DOCK5: variants seen among roughly 807,000 people sequenced by gnomAD.
The protein encoded by DOCK5 is dedicator of cytokinesis 5, also known as dedicator of cytokinesis protein 5.
Under a neutral mutation model 251.8 loss-of-function variants are expected in DOCK5, and 142 were observed. The ratio of observed to expected loss-of-function variants is 0.56; its 90% confidence interval spans 0.49 to 0.65. The LOEUF (loss-of-function observed/expected upper bound fraction) is 0.65. Ranked by LOEUF, DOCK5 falls within the 30% of genes least tolerant of loss-of-function variation. The pLI is 0.00. For missense variants in DOCK5, 2,111 were observed against 2,312.3 expected (o/e 0.91, Z 1.79); for synonymous variants, 842 against 835.5 (o/e 1.01, Z -0.13).
intron 1 of DOCK5, among the ~76,000 whole-genome samples, chr8:25,219,706 G>GTTTT (rs35000316): frequency 3.4e-5 from 5 of 145,092 alleles, no homozygotes; most frequent in African/African-American, 1.3e-4. Flanking sequence ...TGGGGTCCGT[G>GTTTT]TTTTTTTTTT....
At chr8:25,398,050 T>C (rs1801377442) in intron 45 of DOCK5, among the ~76,000 whole-genome samples, 1 of 152,180 alleles carries the variant, frequency 6.6e-6, no homozygotes, top group African/African-American at 2.4e-5. Flanking sequence ...CTAATCCAGC[T>C]CTTTATTCAT....
At chr8:25,341,546 C>T (rs1173453221) in intron 23 of DOCK5, among the ~76,000 whole-genome samples, 193 bp from the exon 24 acceptor site, 1 of 152,152 alleles carries the variant, frequency 6.6e-6, no homozygotes, top group Non-Finnish European at 1.5e-5. Context: ...AAGCTGTACC[C>T]CCTGGCATCT....
chr8:25,192,897 A>T (rs554496835), intron 1 of DOCK5, among the ~76,000 whole-genome samples: 1 of 152,194 alleles, frequency 6.6e-6, no homozygotes, highest in Admixed American at 6.5e-5. Flanking sequence ...AGAAAGCCTT[A>T]TCTTTCTACC....
chr8:25,223,333 TAGAC>T (rs1482524579), intron 1 of DOCK5, among the ~76,000 whole-genome samples: 6 of 152,180 alleles, frequency 3.9e-5, no homozygotes, highest in African/African-American at 1.4e-4. Flanking sequence ...TATTTATTAA[TAGAC>T]AGGTTTTTGC....
chr8:25,268,052 G>A (rs1368396043), intron 2 of DOCK5, among the ~76,000 whole-genome samples: 3 of 151,930 alleles, frequency 2.0e-5, no homozygotes, highest in Admixed American at 6.6e-5. Context: ...TAGTAGAGAC[G>A]GGGTTTCACT....
At chr8:25,276,378 C>G (rs1439968024) in intron 4 of DOCK5, among the ~76,000 whole-genome samples, 1 of 152,134 alleles carries the variant, frequency 6.6e-6, no homozygotes, top group Non-Finnish European at 1.5e-5. Context: ...TCATCTTGCC[C>G]ACCTCATTTG....
chr8:25,193,578 T>A (rs1429997604), intron 1 of DOCK5, among the ~76,000 whole-genome samples: 1 of 149,402 alleles, frequency 6.7e-6, no homozygotes, highest in Admixed American at 6.7e-5. Flanking sequence ...CTGGGCAACG[T>A]TGTGCAACCC....
chr8:25,253,216 T>G (rs749206300), intron 2 of DOCK5, among the ~76,000 whole-genome samples: 2 of 152,260 alleles, frequency 1.3e-5, no homozygotes, highest in Non-Finnish European at 2.9e-5. Flanking sequence ...GGTACCTTCA[T>G]TCAGTTATTC....
At chr8:25,312,602 A>G (rs1264843251) in intron 13 of DOCK5, among the ~76,000 whole-genome samples, 1 of 152,022 alleles carries the variant, frequency 6.6e-6, no homozygotes, top group Admixed American at 6.6e-5. Context: ...ATCTCTATTC[A>G]AAATACAAAA....
At chr8:25,360,719 T>C (rs1361653991) in intron 28 of DOCK5, among the ~76,000 whole-genome samples, 1 of 152,216 alleles carries the variant, frequency 6.6e-6, no homozygotes, top group Non-Finnish European at 1.5e-5. Flanking sequence ...GAGGACTAGC[T>C]GTTTGTAACA....
chr8:25,263,025 A>AC (rs1159619175), intron 2 of DOCK5, among the ~76,000 whole-genome samples: 1 of 151,852 alleles, frequency 6.6e-6, no homozygotes, highest in African/African-American at 2.4e-5. Flanking sequence ...TACCTTGATT[A>AC]CATTTCCTTT....
chr8:25,305,111 C>G (rs1404899309), intron 11 of DOCK5: 2 of 152,226 alleles, frequency 1.3e-5, no homozygotes, highest in African/African-American at 4.8e-5. Context: ...TTGCCGGGAC[C>G]AAGTCCCACC....
intron 38 of DOCK5, 72 bp from the exon 39 acceptor site, chr8:25,380,233 C>T (rs1040839430): frequency 1.5e-6 from 2 of 1,371,036 alleles, no homozygotes; most frequent in African/African-American, 2.9e-5. Context: ...CAGTGACTCG[C>T]CAGTGGCTTT....
At chr8:25,290,213 T>C (rs961976269) in intron 5 of DOCK5, among the ~76,000 whole-genome samples, 3 of 152,188 alleles carry the variant, frequency 2.0e-5, no homozygotes, top group Non-Finnish European at 4.4e-5. Context: ...ACATCAATCA[T>C]TTAGGTCAGG....
At chr8:25,321,913 C>T (rs1805435325) in intron 16 of DOCK5, among the ~76,000 whole-genome samples, 1 of 152,128 alleles carries the variant, frequency 6.6e-6, no homozygotes, top group Non-Finnish European at 1.5e-5. Flanking sequence ...TGCCATGTTG[C>T]AGTAGCAAGA....
chr8:25,275,305 T>C lies in DOCK5; in HGVS notation c.169-81T>C, dbSNP rs1386912468. 5 of 1,199,928 alleles carry C rather than the reference T, an allele frequency of 4.2e-6. No individual in the cohort carries two copies. In the Admixed American group the frequency reaches 7.3e-5, roughly 18 times the overall value. The allele number at this position is 1,199,928 out of a possible 1,614,324, so 74.3% of individuals were successfully genotyped here. On this transcript the variant is annotated intron_variant, in intron 3 of 51. Coordinates refer to ENST00000276440, the MANE Select transcript of DOCK5 (RefSeq NM_024940.8). The stretch of plus-strand genomic sequence containing the variant: ...ATTGCCTGGGTGTTCCCATTTATTC[T>C]CTTTACTTTGGGCTGAGGTGTTTTT...
At chr8:25,299,238 T>A in intron 8 of DOCK5, 137 bp downstream of exon 8, 1 of 996,062 alleles carries the variant, frequency 1.0e-6, no homozygotes, top group Non-Finnish European at 1.4e-6. Context: ...CAGTAGAATG[T>A]AAAATCATAT....
chr8:25,235,230 T>C (rs566657781), intron 1 of DOCK5, among the ~76,000 whole-genome samples: 17 of 152,100 alleles, frequency 1.1e-4, no homozygotes, highest in Non-Finnish European at 2.4e-4. Flanking sequence ...TGTAATTTTG[T>C]TTTTGTTTGT....
chr8:25,244,288 T>A (rs1421197069), intron 2 of DOCK5, among the ~76,000 whole-genome samples: 2 of 152,232 alleles, frequency 1.3e-5, no homozygotes, highest in Non-Finnish European at 2.9e-5. Flanking sequence ...CATTAACCTG[T>A]TAGTGGGCTG....
Sources: gnomAD v4.1 joint callset for allele counts (sites outside exome capture counted in the v4.1 genomes callset) on GRCh38, gnomAD v4.1.1 for gene constraint, MANE v1.5 for transcripts, NCBI Gene and HGNC (gene_info 2026-07-23, HGNC 2026-07-21) for gene names.